Variants in NKAIN2 observed in about 807,000 individuals in gnomAD.
NKAIN2 encodes sodium/potassium transporting ATPase interacting 2.
Under a neutral mutation model 32.6 loss-of-function variants are expected in NKAIN2, and 14 were observed. The ratio of observed to expected loss-of-function variants is 0.43; its 90% CI spans 0.28 to 0.67. The LOEUF (loss-of-function observed/expected upper bound fraction) is 0.67, where lower values mean the gene tolerates loss of function less well. NKAIN2 is among the 30% of genes least tolerant of loss of function. NKAIN2 has a pLI of 0.17. For synonymous variants in NKAIN2, 80 were observed against 87.2 expected (o/e 0.92, Z 0.46); for missense variants, 198 against 258.3 (o/e 0.77, Z 1.60).
Position 124,331,715 on chromosome 6 carries a change from A to G in NKAIN2, c.193-23552A>G, listed in dbSNP as rs369710110. The stretch of plus-strand genomic sequence containing the variant: ...GTGTCTCTGCTGAGACTTACGTTCT[A>G]TAGACAAAGAGCAGGAAAAACACTA... On this transcript the variant is annotated intron_variant, in intron 2 of 6. Coordinates refer to ENST00000368417, the MANE Select transcript of NKAIN2 (RefSeq NM_001040214.3). Among the ~76,000 whole-genome samples the G allele has an allele frequency of 2.5e-4, 38 of 152,286 alleles. No homozygotes were observed. The South Asian group carries it at 7.5e-3, about 30-fold the overall frequency.
intron 2 of NKAIN2, among the ~76,000 whole-genome samples, chr6:124,320,820 T>G (rs2115023747): frequency 6.6e-6 from 1 of 152,320 alleles, no homozygotes; most frequent in South Asian, 2.1e-4. Context: ...CTGTGAAGAC[T>G]TTTTGGGTGC....
chr6:124,650,012 A>G (rs903403549), intron 3 of NKAIN2, among the ~76,000 whole-genome samples: 2 of 152,186 alleles, frequency 1.3e-5, no homozygotes, highest in African/African-American at 4.8e-5. Context: ...TCCACTGGAT[A>G]AAGAGTACCT....
chr6:124,195,496 C>T (rs1262642709), intron 1 of NKAIN2, among the ~76,000 whole-genome samples: 1 of 152,010 alleles, frequency 6.6e-6, no homozygotes, highest in East Asian at 1.9e-4. Flanking sequence ...AATAACTGCA[C>T]ATTCATATAT....
chr6:124,008,709 G>A (rs1780188392), intron 1 of NKAIN2, among the ~76,000 whole-genome samples: 1 of 152,148 alleles, frequency 6.6e-6, no homozygotes, highest in Non-Finnish European at 1.5e-5. Context: ...TATGGGTCAA[G>A]CTTTAACCCT....
intron 1 of NKAIN2, among the ~76,000 whole-genome samples, chr6:124,162,040 A>G (rs1788306127): frequency 6.6e-6 from 1 of 152,206 alleles, no homozygotes; most frequent in Non-Finnish European, 1.5e-5. Context: ...GAATAGCTTT[A>G]GAAAATAAAT....
chr6:124,575,020 A>T (rs1229682326), intron 3 of NKAIN2, among the ~76,000 whole-genome samples: 1 of 152,242 alleles, frequency 6.6e-6, no homozygotes, highest in Non-Finnish European at 1.5e-5. Context: ...CCACAGGTTT[A>T]TCTTAGAGAT....
At chr6:124,434,009 T>G (rs1278862701) in intron 3 of NKAIN2, among the ~76,000 whole-genome samples, 1 of 152,176 alleles carries the variant, frequency 6.6e-6, no homozygotes, top group Non-Finnish European at 1.5e-5. Context: ...TGAGATGCTA[T>G]AGACATTACA....
intron 4 of NKAIN2, among the ~76,000 whole-genome samples, chr6:124,708,071 T>A (rs1166801353): frequency 6.7e-6 from 1 of 149,624 alleles, no homozygotes; most frequent in Non-Finnish European, 1.5e-5. Flanking sequence ...GCTAGCCAGT[T>A]TTCCCAGCAC....
intron 1 of NKAIN2, among the ~76,000 whole-genome samples, chr6:123,957,473 G>C (rs2114602573): frequency 6.6e-6 from 1 of 152,216 alleles, no homozygotes; most frequent in East Asian, 1.9e-4. Flanking sequence ...TGTATGTCTA[G>C]ATTTTTCAAT....
At chr6:124,596,692 G>A (rs998366441) in intron 3 of NKAIN2, among the ~76,000 whole-genome samples, 55 of 137,282 alleles carry the variant, frequency 4.0e-4, no homozygotes, top group African/African-American at 1.4e-3. Flanking sequence ...GTGTGTGTGT[G>A]TGTGTGTGTA....
chr6:124,338,200 C>G (rs62434703), intron 2 of NKAIN2, among the ~76,000 whole-genome samples: 3,235 of 152,182 alleles, frequency 0.021, 69 homozygotes, highest in Non-Finnish European at 0.031. Flanking sequence ...AAGTGATGCT[C>G]TCCACTCACT....
At chr6:124,346,791 T>G (rs1191176523) in intron 2 of NKAIN2, among the ~76,000 whole-genome samples, 3 of 152,016 alleles carry the variant, frequency 2.0e-5, no homozygotes, top group Non-Finnish European at 4.4e-5. Flanking sequence ...TTTATCCTAT[T>G]TGCCAGTCTG....
intron 3 of NKAIN2, among the ~76,000 whole-genome samples, chr6:124,366,927 C>CA (rs1799541277): frequency 2.2e-5 from 2 of 92,422 alleles, no homozygotes; most frequent in African/African-American, 1.2e-4. Context: ...GACCCTGTCT[C>CA]GAAAAAAAAA....
chr6:123,868,815 CATA>C (rs1353574334), intron 1 of NKAIN2, among the ~76,000 whole-genome samples: 13 of 152,086 alleles, frequency 8.5e-5, no homozygotes, highest in African/African-American at 3.1e-4. Flanking sequence ...CAGAACTCTG[CATA>C]ATATTAGGAA....
chr6:124,051,580 C>T (rs1373814030), intron 1 of NKAIN2, among the ~76,000 whole-genome samples: 9 of 152,066 alleles, frequency 5.9e-5, no homozygotes, highest in South Asian at 2.1e-4. Flanking sequence ...CCCGCTCCCC[C>T]GACCCCACAA....
chr6:123,975,327 G>T (rs142946902), intron 1 of NKAIN2, among the ~76,000 whole-genome samples: 10 of 152,138 alleles, frequency 6.6e-5, no homozygotes, highest in African/African-American at 2.4e-4. Flanking sequence ...AAAAATTATA[G>T]AATTATCTAT....
intron 3 of NKAIN2, among the ~76,000 whole-genome samples, chr6:124,366,048 A>G (rs886078853): frequency 6.6e-6 from 1 of 152,216 alleles, no homozygotes; most frequent in African/African-American, 2.4e-5. Context: ...TCAAAACTCA[A>G]TGATCTTAAC....
chr6:124,152,478 T>G (rs75464005), intron 1 of NKAIN2, among the ~76,000 whole-genome samples: 2,302 of 152,008 alleles, frequency 0.015, 59 homozygotes, highest in African/African-American at 0.053. Context: ...TCACTCCAGT[T>G]AGAATAACTA....
intron 1 of NKAIN2, among the ~76,000 whole-genome samples, chr6:124,015,949 T>G (rs542248887): frequency 1.3e-5 from 2 of 152,196 alleles, no homozygotes; most frequent in African/African-American, 2.4e-5. Flanking sequence ...CTCTCCCACA[T>G]GTACAGTCAG....
Sources: gnomAD v4.1 joint callset for allele counts (sites outside exome capture counted in the v4.1 genomes callset) on GRCh38, gnomAD v4.1.1 for gene constraint, MANE v1.5 for transcripts, NCBI Gene and HGNC (gene_info 2026-07-23, HGNC 2026-07-21) for gene names.